The following BAIAP2 variants were observed in gnomAD, a reference collection of about 807,000 sequenced individuals.
BAIAP2 encodes BAR/IMD domain containing adaptor protein 2, also known as BAR/IMD domain-containing adapter protein 2.
Under a neutral mutation model 63.0 loss-of-function variants are expected in BAIAP2, and 18 were observed. The ratio of observed to expected loss-of-function variants is 0.29; its 90% confidence interval spans 0.20 to 0.42. The LOEUF (loss-of-function observed/expected upper bound fraction) is 0.42. BAIAP2 is among the 10% of genes least tolerant of loss of function. The probability of loss-of-function intolerance (pLI) is 1.00; values close to 1 mark genes in which losing one functional copy is unlikely to be tolerated. For missense variants in BAIAP2, 610 were observed against 734.3 expected, an observed-to-expected ratio of 0.83 and a Z score of 1.96; for synonymous variants, 386 against 307.6, an observed-to-expected ratio of 1.25 and a Z score of -2.67.
intron 3 of BAIAP2, among the ~76,000 whole-genome samples, chr17:81,066,272 C>G (rs970950587): frequency 6.6e-6 from 1 of 152,262 alleles, no homozygotes; most frequent in African/African-American, 2.4e-5. Context: ...CCCGGCATCC[C>G]CAGGTGCCCG....
At chr17:81,103,245 G>A (rs189500167) in intron 7 of BAIAP2, among the ~76,000 whole-genome samples, 7 of 152,350 alleles carry the variant, frequency 4.6e-5, no homozygotes, top group East Asian at 3.9e-4. Flanking sequence ...CCCCGCGGGC[G>A]TTGAGCCTGG....
chr17:81,044,840 G>A (rs1336471836), intron 1 of BAIAP2, among the ~76,000 whole-genome samples: 2 of 152,262 alleles, frequency 1.3e-5, no homozygotes, highest in Non-Finnish European at 2.9e-5. Context: ...CTGGCAAGGC[G>A]CCAGCTCAGT....
At chr17:81,100,894 C>T in intron 7 of BAIAP2, among the ~76,000 whole-genome samples, 1 of 152,200 alleles carries the variant, frequency 6.6e-6, no homozygotes, top group Non-Finnish European at 1.5e-5. Flanking sequence ...CCTCTGCCTG[C>T]ACCCCTGAGC....
Position 81,116,241 on chromosome 17 carries a change from C to T in BAIAP2, c.*402C>T, listed in dbSNP as rs772293989. On this transcript the variant is annotated 3_prime_UTR_variant, in exon 14 of 14. Coordinates refer to ENST00000428708, the MANE Select transcript of BAIAP2 (RefSeq NM_001144888.2). The stretch of plus-strand genomic sequence containing the variant: ...TTCTCCTGCACCAGGTGTGATCTGT[C>T]CGCCCAAGGGCCAGAAGGCCGGGAG... 5.0e-6 allele frequency: 8 copies of T among 1,612,416 alleles called. No individual in the cohort carries two copies. The African/African-American group carries it at 5.3e-5, about 11-fold the overall frequency.
At chr17:81,053,526 T>C in intron 1 of BAIAP2, 142 bp from the exon 2 acceptor site, 3 of 834,856 alleles carry the variant, frequency 3.6e-6, no homozygotes, top group Non-Finnish European at 5.9e-6. Flanking sequence ...GGATTTGAAC[T>C]TGGGAAGCCC....
At chr17:81,051,216 C>T (rs988793522) in intron 1 of BAIAP2, among the ~76,000 whole-genome samples, 26 of 151,848 alleles carry the variant, frequency 1.7e-4, no homozygotes, top group Non-Finnish European at 5.9e-5. Flanking sequence ...CTGCGTGGTA[C>T]GTGCCTCTCT....
intron 13 of BAIAP2, chr17:81,111,106 G>A: frequency 1.0e-6 from 1 of 954,218 alleles, no homozygotes; most frequent in Non-Finnish European, 1.6e-6. Flanking sequence ...CACTCTGGGT[G>A]CTGGGCCTTC....
At position 81,104,116 on chromosome 17, in the gene BAIAP2, C is replaced by T; in HGVS notation, c.1066+8C>T. 1 of 1,612,892 alleles carries T rather than the reference C, an allele frequency of 6.2e-7. No homozygotes were observed. Among genetic ancestry groups the T allele is most frequent in the South Asian group, 1.1e-5 (1 of 91,078 alleles). ...AAAACAGCTATGCCACCAGTAAGGG[C>T]TCCGCTGGGGTGTTGGGCTGGGGTC... On this transcript the variant is annotated splice_region_variant and intron_variant, in intron 9 of 13. Transcript: ENST00000428708.
chr17:81,107,536 G>A (rs2059328369), intron 12 of BAIAP2: 1 of 152,354 alleles, frequency 6.6e-6, no homozygotes, highest in Non-Finnish European at 1.5e-5. Context: ...CAACTTGCCG[G>A]GTTCCAGCCC....
chr17:81,098,964 CCCCCCATCCCCCCA>C (rs2058090182), intron 6 of BAIAP2, among the ~76,000 whole-genome samples: 1 of 9,126 alleles, frequency 1.1e-4, no homozygotes, highest in African/African-American at 3.8e-4. Flanking sequence ...TTCTCCCCGT[CCCCCCATCCCCCCA>C]TCCCCCCATC....
Position 81,046,729 on chromosome 17 carries a change from C to G in BAIAP2, c.55-6939C>G, listed in dbSNP as rs1388271303. The stretch of plus-strand genomic sequence containing the variant: ...TGCTGCAGGGCCCCTCCTGTACCTC[C>G]CTAGTCCATGCTGTACATGTGGCCG... On this transcript the variant is annotated intron_variant, in intron 1 of 13. Transcript: ENST00000428708. The surrounding 1 kb of genome is among the most constrained non-coding windows in gnomAD (Gnocchi z 4.5). Among the ~76,000 whole-genome samples, 1 of 151,994 alleles carries G rather than the reference C, an allele frequency of 6.6e-6. No individual in the cohort carries two copies. The highest frequency in any genetic ancestry group is 2.4e-5 in the African/African-American group (1 of 41,364).
At chr17:81,067,682 G>A (rs1194091191) in intron 3 of BAIAP2, among the ~76,000 whole-genome samples, 2 of 152,352 alleles carry the variant, frequency 1.3e-5, no homozygotes, top group Admixed American at 1.3e-4. Context: ...CTGAGGCCCG[G>A]CCAGGTGTCC....
At chr17:81,064,776 C>G (rs1376696338) in intron 3 of BAIAP2, among the ~76,000 whole-genome samples, 1 of 152,122 alleles carries the variant, frequency 6.6e-6, no homozygotes, top group African/African-American at 2.4e-5. Context: ...GCAGACCTCA[C>G]AGACGGAAGG....
intron 3 of BAIAP2, among the ~76,000 whole-genome samples, chr17:81,059,538 G>A (rs1168880804): frequency 6.6e-6 from 1 of 152,226 alleles, no homozygotes; most frequent in African/African-American, 2.4e-5. Flanking sequence ...TTGAACTCAT[G>A]GGCTCAAGTG....
In BAIAP2 at chr17:81,035,316, C is replaced by A. The variant is rs1417301776; in HGVS notation, c.54+8C>A. The A allele has an allele frequency of 1.4e-6, 2 of 1,426,310 alleles. No homozygotes were observed. Among genetic ancestry groups the A allele is most frequent in the South Asian group, 1.4e-5 (1 of 71,722 alleles). 88.4% of individuals were successfully genotyped at this position (1,426,310 alleles called of 1,614,324 possible). A position where few individuals can be genotyped will look rare whatever the true frequency, so the allele number is the denominator to read the frequency against. On this transcript the variant is annotated splice_region_variant and intron_variant, in intron 1 of 13. Transcript: ENST00000428708. ...ACGGAAAATGTCTATAAGGTGAGCG[C>A]CCCCCGGCGCCGAGCTGAGCCCGCT...
At chr17:81,101,695 C>G (rs1226726230) in intron 7 of BAIAP2, among the ~76,000 whole-genome samples, 2 of 152,234 alleles carry the variant, frequency 1.3e-5, no homozygotes, top group African/African-American at 4.8e-5. Context: ...AGCCTGGGGA[C>G]AGCCAGGAGA....
chr17:81,042,556 C>T (rs2047232598), intron 1 of BAIAP2, among the ~76,000 whole-genome samples: 1 of 152,170 alleles, frequency 6.6e-6, no homozygotes, highest in Non-Finnish European at 1.5e-5. Context: ...AGGCGTGCCC[C>T]TGCCTGGTTG....
At chr17:81,086,384 G>A (rs1029457611) in intron 5 of BAIAP2, 59 bp from the exon 6 acceptor site, 42 of 1,590,862 alleles carry the variant, frequency 2.6e-5, no homozygotes, top group Non-Finnish European at 3.4e-5. Flanking sequence ...TGCTGCCAGT[G>A]GTCCGCGCTG....
At chr17:81,076,197 CT>C (rs1432279869) in intron 3 of BAIAP2, 2 of 152,224 alleles carry the variant, frequency 1.3e-5, no homozygotes, top group Non-Finnish European at 2.9e-5. Flanking sequence ...CCATCTGCAG[CT>C]TAACTCATTT....
Sources: allele counts gnomAD v4.1 joint callset (sites outside exome capture counted in the v4.1 genomes callset), GRCh38; gene constraint gnomAD v4.1.1; non-coding constraint Gnocchi (gnomAD v3.1); transcripts MANE v1.5; gene names NCBI Gene and HGNC (gene_info 2026-07-23, HGNC 2026-07-21).